VCF1: variants seen among roughly 807,000 people sequenced by gnomAD.
The protein encoded by VCF1 is protein VCF1.
the VCF1 span, among the ~76,000 whole-genome samples, chr17:73,219,035 A>T: frequency 6.6e-6 from 1 of 151,824 alleles, no homozygotes; most frequent in Non-Finnish European, 1.5e-5. Flanking sequence ...AAAAAAATAC[A>T]AAAAATTAGC....
chr17:73,208,566 T>C, the VCF1 span: 3 of 1,279,266 alleles, frequency 2.3e-6, no homozygotes, highest in East Asian at 2.3e-5. Flanking sequence ...ACTGATGGAA[T>C]GTGGCCCCCT....
the VCF1 span, among the ~76,000 whole-genome samples, chr17:73,217,524 C>T: frequency 1.3e-5 from 2 of 152,054 alleles, no homozygotes; most frequent in South Asian, 2.1e-4. Context: ...GTGGCGTGCA[C>T]CTGCAGTCCC....
the VCF1 span, among the ~76,000 whole-genome samples, chr17:73,211,904 G>A: frequency 2.6e-5 from 4 of 152,092 alleles, no homozygotes; most frequent in Admixed American, 2.6e-4. Flanking sequence ...GGTGGCTCGC[G>A]CCTATAGTCC....
the VCF1 span, chr17:73,209,514 G>A: frequency 6.4e-7 from 1 of 1,572,420 alleles, no homozygotes; most frequent in Non-Finnish European, 8.6e-7. Flanking sequence ...CAGAAGGCAA[G>A]AAACTGCCGG....
the VCF1 span, among the ~76,000 whole-genome samples, chr17:73,214,521 G>C: frequency 6.6e-6 from 1 of 152,186 alleles, no homozygotes; most frequent in African/African-American, 2.4e-5. Flanking sequence ...TGGGATAAAG[G>C]AAAGACCATT....
At chr17:73,207,947 AG>A in the VCF1 span, 1 of 1,203,832 alleles carries the variant, frequency 8.3e-7, no homozygotes, top group East Asian at 5.3e-5. Flanking sequence ...AAAAAAAAAA[AG>A]CTCTTGCAAA....
the VCF1 span, among the ~76,000 whole-genome samples, chr17:73,218,284 G>C: frequency 6.6e-6 from 1 of 152,192 alleles, no homozygotes; most frequent in Non-Finnish European, 1.5e-5. Flanking sequence ...GGTGACACAA[G>C]ATTCCAAATG....
chr17:73,227,544 AACAGG>A, the VCF1 span: 4 of 813,800 alleles, frequency 4.9e-6, no homozygotes, highest in East Asian at 3.2e-4. Flanking sequence ...CTGAAACAAG[AACAGG>A]AAGAGGTTAA....
At chr17:73,232,365 A>G in the VCF1 span, 5 of 1,466,782 alleles carry the variant, frequency 3.4e-6, no homozygotes, top group Admixed American at 2.3e-5. Flanking sequence ...TCCCAACCGC[A>G]CCGACTGGTA....
the VCF1 span, among the ~76,000 whole-genome samples, chr17:73,218,934 G>A: frequency 2.6e-5 from 4 of 152,024 alleles, no homozygotes; most frequent in East Asian, 7.7e-4. Context: ...GCAGGAGAAT[G>A]GCATGAACCT....
At chr17:73,230,819 G>T in the VCF1 span, among the ~76,000 whole-genome samples, 3 of 152,220 alleles carry the variant, frequency 2.0e-5, no homozygotes, top group African/African-American at 7.2e-5. Context: ...GAGATTATTT[G>T]TGTACAAGAT....
the VCF1 span, among the ~76,000 whole-genome samples, chr17:73,225,133 G>T: frequency 1.9e-4 from 29 of 149,426 alleles, no homozygotes; most frequent in African/African-American, 6.6e-4. Context: ...AGTGAGTTCA[G>T]ACAGAAACTA....
At chr17:73,227,346 A>G in the VCF1 span, 1 of 1,183,384 alleles carries the variant, frequency 8.5e-7, no homozygotes. Flanking sequence ...CCATAACAAC[A>G]TATAAATTTG....
chr17:73,221,099 A>G, the VCF1 span, among the ~76,000 whole-genome samples: 1 of 150,958 alleles, frequency 6.6e-6, no homozygotes, highest in Non-Finnish European at 1.5e-5. Flanking sequence ...GGGTTTCACC[A>G]TGTTGGTCAG....
At chr17:73,208,400 G>A in the VCF1 span, 9 of 1,614,232 alleles carry the variant, frequency 5.6e-6, no homozygotes, top group Admixed American at 1.7e-5. Flanking sequence ...AAGACAACAC[G>A]TCTGCACCTT....
the VCF1 span, chr17:73,209,580 C>A: frequency 6.3e-7 from 1 of 1,586,404 alleles, no homozygotes; most frequent in South Asian, 1.2e-5. Flanking sequence ...GGGCCTCCCT[C>A]AGGGTCTGGT....
the VCF1 span, chr17:73,227,388 A>G: frequency 1.3e-6 from 1 of 781,648 alleles, no homozygotes; most frequent in East Asian, 2.9e-5. Context: ...AATTCAGCAT[A>G]TGATATCCCA....
chr17:73,214,608 AC>A, the VCF1 span, among the ~76,000 whole-genome samples: 9 of 152,350 alleles, frequency 5.9e-5, no homozygotes, highest in African/African-American at 1.7e-4. Flanking sequence ...CAGAAGTAAA[AC>A]ATTTTTGTCT....
chr17:73,231,837 A>G, the VCF1 span, among the ~76,000 whole-genome samples: 5 of 152,068 alleles, frequency 3.3e-5, no homozygotes, highest in African/African-American at 1.2e-4. Flanking sequence ...CCAAATAGGA[A>G]AAGACAGGGG....
Sources: allele counts gnomAD v4.1 joint callset (sites outside exome capture counted in the v4.1 genomes callset), GRCh38; gene constraint gnomAD v4.1.1; transcripts MANE v1.5; gene names NCBI Gene and HGNC (gene_info 2026-07-23, HGNC 2026-07-21).